Variants in IMMP2L observed in about 807,000 individuals in gnomAD.
The protein encoded by IMMP2L is mitochondrial inner membrane protease subunit 2.
Under a neutral mutation model 19.3 loss-of-function variants are expected in IMMP2L, and 18 were observed. The observed-to-expected ratio is 0.93, with a 90% CI of 0.64 to 1.38. IMMP2L has a LOEUF of 1.38. Ranked by LOEUF, IMMP2L falls within the 40% of genes most tolerant of loss-of-function variation. The pLI, the probability that IMMP2L is intolerant of heterozygous loss-of-function variation, is 0.00. For synonymous variants in IMMP2L, 76 were observed against 73.0 expected (o/e 1.04, Z -0.21); for missense variants, 233 against 218.2 (o/e 1.07, Z -0.43).
At chr7:111,497,577 A>G (rs1843711665) in intron 2 of IMMP2L, among the ~76,000 whole-genome samples, 1 of 152,170 alleles carries the variant, frequency 6.6e-6, no homozygotes, top group Admixed American at 6.5e-5. Context: ...GCTATGATCC[A>G]ATTTCAGGAA....
At chr7:111,468,059 A>C (rs1195728508) in intron 3 of IMMP2L, among the ~76,000 whole-genome samples, 2 of 152,192 alleles carry the variant, frequency 1.3e-5, no homozygotes, top group Non-Finnish European at 2.9e-5. Context: ...ATTAGTAAAT[A>C]GGTAACAATT....
chr7:111,099,122 T>C (rs559820587), intron 3 of IMMP2L, among the ~76,000 whole-genome samples: 46 of 151,800 alleles, frequency 3.0e-4, no homozygotes, highest in African/African-American at 1.1e-3. Context: ...TCCTCTATCA[T>C]CATTTTTCCA....
chr7:111,020,626 G>T (rs1476527757), intron 3 of IMMP2L, among the ~76,000 whole-genome samples: 1 of 152,032 alleles, frequency 6.6e-6, no homozygotes, highest in African/African-American at 2.4e-5. Context: ...GCAGGGTGTG[G>T]TAGCATGTGC....
chr7:110,925,493 A>G (rs1040538913), intron 4 of IMMP2L, among the ~76,000 whole-genome samples: 2 of 152,044 alleles, frequency 1.3e-5, no homozygotes, highest in Admixed American at 1.3e-4. Flanking sequence ...ATGTAGATCT[A>G]CTGACATTCT....
intron 4 of IMMP2L, among the ~76,000 whole-genome samples, chr7:110,929,438 C>T (rs1180563693): frequency 6.6e-6 from 1 of 152,158 alleles, no homozygotes; most frequent in Non-Finnish European, 1.5e-5. Context: ...CACCCACTGT[C>T]ACATAAATGT....
chr7:110,692,068 C>T (rs1748097721), intron 5 of IMMP2L, among the ~76,000 whole-genome samples: 2 of 152,042 alleles, frequency 1.3e-5, no homozygotes, highest in African/African-American at 4.8e-5. Context: ...AATGCTCATT[C>T]AACACTGAGT....
intron 3 of IMMP2L, among the ~76,000 whole-genome samples, chr7:111,305,773 T>C (rs1240875629): frequency 1.3e-5 from 2 of 152,176 alleles, no homozygotes; most frequent in African/African-American, 4.8e-5. Context: ...AACCATATCC[T>C]AGAACCTGGT....
intron 3 of IMMP2L, among the ~76,000 whole-genome samples, chr7:111,379,952 T>C (rs1831039900): frequency 1.3e-5 from 2 of 151,958 alleles, no homozygotes; most frequent in South Asian, 4.1e-4. Context: ...CTGTTCTCCA[T>C]AGCCAATTCA....
chr7:111,218,600 G>A (rs925229007), intron 3 of IMMP2L, among the ~76,000 whole-genome samples: 3 of 152,000 alleles, frequency 2.0e-5, no homozygotes, highest in African/African-American at 4.8e-5. Context: ...AAATATTTTC[G>A]TTAACCTAAA....
intron 5 of IMMP2L, among the ~76,000 whole-genome samples, chr7:110,680,203 T>C (rs930635310): frequency 6.6e-6 from 1 of 152,166 alleles, no homozygotes; most frequent in Non-Finnish European, 1.5e-5. Context: ...TTTAGATAGG[T>C]AGGACGCCCT....
chr7:110,859,581 A>T (rs1807163484), intron 5 of IMMP2L, among the ~76,000 whole-genome samples: 1 of 151,646 alleles, frequency 6.6e-6, no homozygotes, highest in Non-Finnish European at 1.5e-5. Context: ...CGTCTCTACA[A>T]AAAAATACAA....
chr7:111,505,876 C>T (rs547557304), intron 2 of IMMP2L, among the ~76,000 whole-genome samples: 184 of 152,036 alleles, frequency 1.2e-3, no homozygotes, highest in African/African-American at 4.2e-3. Context: ...TGCTAAATGA[C>T]GAGTTAATGG....
At chr7:110,792,850 T>A (rs945033555) in intron 5 of IMMP2L, among the ~76,000 whole-genome samples, 1 of 151,468 alleles carries the variant, frequency 6.6e-6, no homozygotes, top group African/African-American at 2.4e-5. Flanking sequence ...CCTAGTCATC[T>A]CCCCCTCCCC....
chr7:111,439,792 T>C (rs1837540938), intron 3 of IMMP2L, among the ~76,000 whole-genome samples: 1 of 151,930 alleles, frequency 6.6e-6, no homozygotes, highest in South Asian at 2.1e-4. Flanking sequence ...GTAGCATGCA[T>C]TGCTGTTTGA....
At chr7:110,858,244 T>C (rs527865786) in intron 5 of IMMP2L, among the ~76,000 whole-genome samples, 3 of 152,236 alleles carry the variant, frequency 2.0e-5, no homozygotes, top group Admixed American at 6.5e-5. Flanking sequence ...TCATCATCCA[T>C]ATCCATTTGG....
intron 5 of IMMP2L, among the ~76,000 whole-genome samples, chr7:110,702,802 AT>A (rs200109168): frequency 0.015 from 2,267 of 152,204 alleles, 23 homozygotes; most frequent in Non-Finnish European, 0.021. Flanking sequence ...TAGTTCTAGT[AT>A]TTTTTAAATA....
chr7:111,489,528 G>A (rs1842926610), intron 2 of IMMP2L, among the ~76,000 whole-genome samples: 1 of 152,268 alleles, frequency 6.6e-6, no homozygotes, highest in African/African-American at 2.4e-5. Flanking sequence ...CAGAAGCAAG[G>A]AAAATAGTGA....
chr7:111,037,095 CGAG>C (rs1791428357), intron 3 of IMMP2L, among the ~76,000 whole-genome samples: 1 of 151,976 alleles, frequency 6.6e-6, no homozygotes, highest in African/African-American at 2.4e-5. Context: ...AAATTTTTTA[CGAG>C]GAAAAATTTA....
chr7:111,024,377 C>T (rs796649961), intron 3 of IMMP2L, among the ~76,000 whole-genome samples: 2 of 152,232 alleles, frequency 1.3e-5, no homozygotes, highest in African/African-American at 4.8e-5. Context: ...GCTCTCTGGG[C>T]AGCCCTTTTC....
Sources: allele counts gnomAD v4.1 joint callset (sites outside exome capture counted in the v4.1 genomes callset), GRCh38; gene constraint gnomAD v4.1.1; transcripts MANE v1.5; gene names NCBI Gene and HGNC (gene_info 2026-07-23, HGNC 2026-07-21).